Variants in BTBD9 observed in about 807,000 individuals in gnomAD.
BTBD9 encodes BTB domain containing 9.
In BTBD9, 49 loss-of-function variants were observed where a neutral mutation model predicts 64.3. The observed-to-expected ratio is 0.76, with a 90% CI of 0.61 to 0.97. The LOEUF (loss-of-function observed/expected upper bound fraction) is 0.97. BTBD9 is among the 50% of genes least tolerant of loss of function. The probability of loss-of-function intolerance (pLI) is 0.00; values close to 1 mark genes in which losing one functional copy is unlikely to be tolerated. For synonymous variants in BTBD9, 260 were observed against 274.7 expected, an observed-to-expected ratio of 0.95 and a Z score of 0.53; for missense variants, 598 against 762.1, an observed-to-expected ratio of 0.78 and a Z score of 2.53.
intron 6 of BTBD9, among the ~76,000 whole-genome samples, chr6:38,389,734 C>T (rs980848759): frequency 4.6e-5 from 7 of 152,150 alleles, no homozygotes; most frequent in Admixed American, 2.0e-4. Flanking sequence ...AATCAGCTGT[C>T]TTAATTTGGT....
chr6:38,498,379 A>G (rs1772048396), intron 6 of BTBD9, among the ~76,000 whole-genome samples: 1 of 151,810 alleles, frequency 6.6e-6, no homozygotes, highest in African/African-American at 2.4e-5. Context: ...TCTACATCAC[A>G]TAAGCTAAAT....
At chr6:38,367,259 T>C (rs1288317901) in intron 6 of BTBD9, among the ~76,000 whole-genome samples, 1 of 152,212 alleles carries the variant, frequency 6.6e-6, no homozygotes, top group Non-Finnish European at 1.5e-5. Flanking sequence ...GGTTAATTTG[T>C]CCATCTTTTT....
At chr6:38,396,897 C>CT (rs146597621) in intron 6 of BTBD9, among the ~76,000 whole-genome samples, 1,534 of 107,264 alleles carry the variant, frequency 0.014, 36 homozygotes, top group Non-Finnish European at 0.018. Flanking sequence ...TTTTCTTTTT[C>CT]TTTTTTTTTT....
chr6:38,200,935 G>A (rs991186315), intron 9 of BTBD9, among the ~76,000 whole-genome samples: 2 of 152,104 alleles, frequency 1.3e-5, no homozygotes, highest in African/African-American at 4.8e-5. Flanking sequence ...CAGGAGAACT[G>A]CTTGAGTCTG....
intron 4 of BTBD9, 63 bp from the exon 5 acceptor site, chr6:38,580,500 A>G: frequency 1.4e-6 from 2 of 1,389,126 alleles, no homozygotes; most frequent in Non-Finnish European, 2.0e-6. Context: ...TTTTTTGAAA[A>G]AAATACAATT....
At chr6:38,287,460 GTATAT>G (rs112157236) in intron 8 of BTBD9, among the ~76,000 whole-genome samples, 16,703 of 151,896 alleles carry the variant, frequency 0.11, 1,011 homozygotes, top group Admixed American at 0.14. Context: ...TTTTTATCTT[GTATAT>G]TATATTTTTC....
chr6:38,583,696 A>G (rs1276756144), intron 4 of BTBD9, among the ~76,000 whole-genome samples: 1 of 152,202 alleles, frequency 6.6e-6, no homozygotes, highest in African/African-American at 2.4e-5. Flanking sequence ...AATTTCTACC[A>G]CAAGTCTAAG....
chr6:38,638,592 C>T (rs1271247177), intron 1 of BTBD9, among the ~76,000 whole-genome samples: 1 of 152,156 alleles, frequency 6.6e-6, no homozygotes, highest in Non-Finnish European at 1.5e-5. Context: ...CTTTGAATTC[C>T]GAGTAATCTA....
At chr6:38,253,441 C>T (rs946520078) in intron 9 of BTBD9, among the ~76,000 whole-genome samples, 2 of 152,156 alleles carry the variant, frequency 1.3e-5, no homozygotes, top group African/African-American at 4.8e-5. Context: ...CCCCCATGAT[C>T]CAGTCACCTC....
intron 9 of BTBD9, among the ~76,000 whole-genome samples, 158 bp from the exon 10 acceptor site, chr6:38,192,755 C>T (rs1448013708): frequency 4.6e-5 from 7 of 152,014 alleles, no homozygotes; most frequent in Admixed American, 4.6e-4. Context: ...TAACGTATGG[C>T]TGAGAGAGGC....
chr6:38,596,865 TA>T (rs1404183966), intron 2 of BTBD9, among the ~76,000 whole-genome samples: 1 of 151,518 alleles, frequency 6.6e-6, no homozygotes, highest in Non-Finnish European at 1.5e-5. Flanking sequence ...ACCAAAATTT[TA>T]AAAAGAGGAA....
At chr6:38,334,106 GC>G (rs376315805) in intron 7 of BTBD9, among the ~76,000 whole-genome samples, 3 of 152,194 alleles carry the variant, frequency 2.0e-5, no homozygotes, top group African/African-American at 7.2e-5. Flanking sequence ...GCAGCACTGT[GC>G]CCCCTGCTCT....
rs561897411 is a variant in BTBD9 at position 38,337,817 on chromosome 6, T to C, written c.1264+7167A>G. Reference sequence around the variant, plus strand: ...CACTGGATCTCAGAGGCTAAACCTTTGAAAACTACGGTTTCCCAGACTCCC... The same window carrying C: ...CACTGGATCTCAGAGGCTAAACCTTCGAAAACTACGGTTTCCCAGACTCCC... On this transcript the variant is annotated intron_variant, in intron 7 of 10. Transcript: ENST00000481247. 1.4e-4 allele frequency among the ~76,000 whole-genome samples: 22 copies of C among 152,338 alleles called. No homozygotes were observed. In the South Asian group the frequency reaches 2.5e-3, roughly 17 times the overall value.
At chr6:38,191,793 G>A (rs1484060262) in intron 10 of BTBD9, among the ~76,000 whole-genome samples, 1 of 152,178 alleles carries the variant, frequency 6.6e-6, no homozygotes, top group East Asian at 1.9e-4. Flanking sequence ...GTGGGCTGAG[G>A]CTCCAAGGTC....
At chr6:38,239,922 C>A (rs770950652) in intron 9 of BTBD9, among the ~76,000 whole-genome samples, 3 of 152,216 alleles carry the variant, frequency 2.0e-5, no homozygotes, top group Non-Finnish European at 2.9e-5. Context: ...CTTACCTTAT[C>A]AGAAAGAGCA....
At chr6:38,515,223 C>A (rs573445120) in intron 6 of BTBD9, among the ~76,000 whole-genome samples, 2 of 152,156 alleles carry the variant, frequency 1.3e-5, no homozygotes, top group Non-Finnish European at 2.9e-5. Context: ...TCCATTAGAT[C>A]GATAGCAATT....
chr6:38,281,928 T>G (rs9369044), intron 8 of BTBD9, among the ~76,000 whole-genome samples: 13,638 of 152,206 alleles, frequency 0.09, 1,510 homozygotes, highest in East Asian at 0.44. Context: ...TATCTTATAA[T>G]TAGGGTTTCA....
chr6:38,281,530 G>T (rs1761513811), intron 8 of BTBD9, among the ~76,000 whole-genome samples: 1 of 152,108 alleles, frequency 6.6e-6, no homozygotes, highest in Admixed American at 6.5e-5. Flanking sequence ...CAGACAGTCT[G>T]TGCCAGATTA....
intron 6 of BTBD9, among the ~76,000 whole-genome samples, chr6:38,349,796 G>A (rs1161658019): frequency 6.6e-6 from 1 of 152,040 alleles, no homozygotes. Context: ...AACACAGGGA[G>A]GGGCTTGTCC....
Sources: allele counts gnomAD v4.1 joint callset (sites outside exome capture counted in the v4.1 genomes callset), GRCh38; gene constraint gnomAD v4.1.1; transcripts MANE v1.5; gene names NCBI Gene and HGNC (gene_info 2026-07-23, HGNC 2026-07-21).